Variants in LPO observed in about 807,000 individuals in gnomAD.
LPO encodes the protein salivary peroxidase.
A neutral mutation model predicts 68.4 loss-of-function variants in LPO; 70 were observed. The observed-to-expected ratio is 1.02, with a 90% CI of 0.84 to 1.25. The LOEUF is 1.25. Ranked by LOEUF, LPO falls within the 50% of genes most tolerant of loss-of-function variation. The pLI, the probability that LPO is intolerant of heterozygous loss-of-function variation, is 0.00. For synonymous variants in LPO, 360 were observed against 357.6 expected (o/e 1.01, Z -0.08); for missense variants, 873 against 908.4 (o/e 0.96, Z 0.50).
At chr17:58,259,389 A>G (rs1054753988) in intron 9 of LPO, among the ~76,000 whole-genome samples, 1 of 152,154 alleles carries the variant, frequency 6.6e-6, no homozygotes, top group Non-Finnish European at 1.5e-5. Context: ...TTTGGTAAAA[A>G]ATATTTGGGC....
chr17:58,267,408 A>G lies in LPO; in HGVS notation c.1753A>G (p.Asn585Asp). 6.2e-7 allele frequency: 1 copy of G among 1,614,228 alleles called. No homozygotes were observed. The highest frequency in any genetic ancestry group is 8.5e-7 in the Non-Finnish European group (1 of 1,180,044). ...ACAGCCGCAGACACTAGAGGAGTTG[A>G]ACACAGTGCTGAAGAGCAAGATGCT... ...LSQPQTLEEL[N>D]TVLKSKMLAK... is the part of the protein sequence containing the mutation. The change falls in exon 12 of 13, where the codon AAC becomes GAC. Residue 585 changes from asparagine to aspartate, a missense_variant. Coordinates refer to ENST00000262290, the MANE Select transcript of LPO (RefSeq NM_006151.3).
chr17:58,262,005 A>G (rs1970182995), intron 9 of LPO, among the ~76,000 whole-genome samples: 1 of 152,236 alleles, frequency 6.6e-6, no homozygotes, highest in Non-Finnish European at 1.5e-5. Context: ...TATATGTTTT[A>G]TAGCACATCA....
intron 9 of LPO, 110 bp downstream of exon 9, chr17:58,255,081 G>A (rs188294722): frequency 7.7e-5 from 86 of 1,119,006 alleles, no homozygotes; most frequent in African/African-American, 2.1e-4. Context: ...CCACACCTCC[G>A]TTTCCCCCGG....
At chr17:58,240,888 C>G (rs953831472) in intron 1 of LPO, among the ~76,000 whole-genome samples, 5 of 151,774 alleles carry the variant, frequency 3.3e-5, no homozygotes, top group Admixed American at 6.6e-5. Context: ...GCCCACAGCC[C>G]TCTTTAAAAA....
intron 10 of LPO, among the ~76,000 whole-genome samples, chr17:58,265,808 C>G (rs984776096): frequency 6.6e-6 from 1 of 151,868 alleles, no homozygotes; most frequent in African/African-American, 2.4e-5. Flanking sequence ...TGGTCCCAAA[C>G]TCCTGGGCTC....
At chr17:58,256,407 G>GTTTTT (rs34122568) in intron 9 of LPO, among the ~76,000 whole-genome samples, 40 of 138,692 alleles carry the variant, frequency 2.9e-4, no homozygotes, top group Middle Eastern at 3.9e-3. Context: ...ATTTTTAGGT[G>GTTTTT]TTTTTTTTTT....
Position 58,267,510 on chromosome 17 carries a change from G to A in LPO, c.1855G>A (p.Val619Met). The A allele has an allele frequency of 6.2e-7, 1 of 1,614,236 alleles. No individual in the cohort carries two copies. The highest frequency in any genetic ancestry group is 8.5e-7 in the Non-Finnish European group (1 of 1,180,040). Residue 619 changes from valine to methionine, a missense_variant, in exon 12 of 13, where the codon GTG (valine) becomes ATG (methionine). By Grantham distance (21) the Val-to-Met change is conservative. Transcript: ENST00000262290. The part of the protein sequence containing the change: ...IWIGAIAEPL[V>M]ERGRVGPLLA... ...GATAGGGGCCATTGCTGAGCCGCTG[G>A]TGGAAAGGGGTCGGGTGGGGCCTCT...
In LPO at chr17:58,264,923, G is replaced by T; in HGVS notation, c.1468G>T (p.Glu490Ter). Residue 490 changes from glutamate to a stop codon, truncating the protein, a stop_gained, in exon 10 of 13, where the codon GAA becomes TAA. Transcript: ENST00000262290. LOFTEE classifies it high-confidence loss of function. ...TTATCAGCCATGGGGGCCAGAACCAGAACTCCCCCTCCACACCCTCTTCTT... is the reference window on the plus strand; with the variant it reads ...TTATCAGCCATGGGGGCCAGAACCATAACTCCCCCTCCACACCCTCTTCTT... ...ENYQPWGPEP[E>*]LPLHTLFFNT... 6.2e-7 allele frequency: 1 copy of T among 1,614,242 alleles called. No individual in the cohort carries two copies.
chr17:58,249,477 G>A (rs979503918), intron 5 of LPO, 89 bp from the exon 6 acceptor site: 24 of 1,512,192 alleles, frequency 1.6e-5, no homozygotes, highest in Non-Finnish European at 2.0e-5. Flanking sequence ...CCTCCGCCTC[G>A]AGCAGAGGCT....
At chr17:58,260,431 T>A (rs1186796389) in intron 9 of LPO, among the ~76,000 whole-genome samples, 1 of 152,202 alleles carries the variant, frequency 6.6e-6, no homozygotes, top group African/African-American at 2.4e-5. Context: ...AATACTATAT[T>A]AAATGCGCAT....
In LPO at chr17:58,252,493, C is replaced by T. The variant is rs772523321; in HGVS notation, c.1092C>T (p.Pro364=). 6 of 1,611,256 alleles carry T rather than the reference C, an allele frequency of 3.7e-6. No homozygotes were observed. Among genetic ancestry groups the T allele is most frequent in the South Asian group, 2.2e-5 (2 of 91,058 alleles). The change falls in exon 8 of 13, where the codon CCC becomes CCT. Residue 364 remains proline (P), a synonymous_variant. Coordinates refer to ENST00000262290, the MANE Select transcript of LPO (RefSeq NM_006151.3). ...TCATCAACACCACTGCCCGTGTGCC[C>T]TGCTTCCTGGCAGGTGAGTCTAGCC... is the stretch of plus-strand genomic sequence containing the variant. ...CEFINTTARV[P]CFLAGDSRAS...
chr17:58,240,183 T>G (rs1304216849), intron 1 of LPO, among the ~76,000 whole-genome samples: 1 of 152,120 alleles, frequency 6.6e-6, no homozygotes, highest in Non-Finnish European at 1.5e-5. Flanking sequence ...GAAGAATGAA[T>G]AGGAGTTTAT....
intron 3 of LPO, among the ~76,000 whole-genome samples, chr17:58,245,407 G>C (rs1303010433): frequency 6.6e-6 from 1 of 152,142 alleles, no homozygotes; most frequent in African/African-American, 2.4e-5. Flanking sequence ...TGGTTTCAGA[G>C]AGAGATTCTG....
intron 9 of LPO, among the ~76,000 whole-genome samples, chr17:58,258,454 A>G (rs943402638): frequency 1.3e-5 from 2 of 152,032 alleles, no homozygotes; most frequent in Non-Finnish European, 2.9e-5. Flanking sequence ...TTAACTGTAG[A>G]TGTGTGGATT....
chr17:58,266,516 AGC>A, intron 11 of LPO, among the ~76,000 whole-genome samples, 190 bp downstream of exon 11: 1 of 152,156 alleles, frequency 6.6e-6, no homozygotes, highest in Admixed American at 6.5e-5. Context: ...GCTAGAGTAC[AGC>A]GGTGCGATCA....
chr17:58,253,022 CAAA>C (rs765890765), intron 8 of LPO, among the ~76,000 whole-genome samples: 94 of 31,088 alleles, frequency 3.0e-3, no homozygotes, highest in African/African-American at 0.011. Flanking sequence ...GACTCCATCT[CAAA>C]AAAAAAAAAA....
intron 10 of LPO, 75 bp downstream of exon 10, chr17:58,265,049 A>G (rs534709403): frequency 6.3e-7 from 1 of 1,576,560 alleles, no homozygotes; most frequent in East Asian, 2.3e-5. Flanking sequence ...TTGGGTTGGA[A>G]GTCAGATTCC....
rs8178308 is a variant in LPO, at chr17:58,246,320, T to A, written c.165-1158T>A. Among the ~76,000 whole-genome samples, 1,061 of 152,206 alleles carry A rather than the reference T, an allele frequency of 7.0e-3. 8 individuals are homozygous for A. The highest frequency in any genetic ancestry group is 0.025 in the African/African-American group (1,019 of 41,534). ...GCCATTAGAACATTTGAATCAGCGG[T>A]GGCATGGTCTGATTTTTATGCTAAA... On this transcript the variant is annotated intron_variant, in intron 3 of 12. Transcript: ENST00000262290.
chr17:58,267,560 GT>G lies in LPO; in HGVS notation c.1907del (p.Phe636SerfsTer75), dbSNP rs1409487441. 1.9e-6 allele frequency: 3 copies of G among 1,612,694 alleles called. No homozygotes were observed. The Admixed American group carries it at 5.0e-5, about 27-fold the overall frequency. ...TCCTGGCCTGCCTCTTGGGCAAGCA[GT>G]TCCAGCAGATCCGTGATGGAGACAG... Reference protein sequence around the residue: ...PLLACLLGKQFQQIRDGDRFW... With the variant: ...PLLACLLGKQXQQIRDGDRFW... On this transcript the variant is annotated frameshift_variant, in exon 12 of 13. Coordinates refer to ENST00000262290, the MANE Select transcript of LPO (RefSeq NM_006151.3). LOFTEE classifies it low-confidence loss of function (END_TRUNC).
Sources: allele counts gnomAD v4.1 joint callset (sites outside exome capture counted in the v4.1 genomes callset), GRCh38; gene constraint gnomAD v4.1.1; transcripts MANE v1.5; gene names NCBI Gene and HGNC (gene_info 2026-07-23, HGNC 2026-07-21).